The following TNK1 variants were observed in gnomAD, a reference collection of about 807,000 sequenced individuals.
TNK1 encodes non-receptor tyrosine-protein kinase TNK1.
Under a neutral mutation model 65.2 loss-of-function variants are expected in TNK1, and 53 were observed. The observed-to-expected ratio is 0.81, with a 90% CI of 0.65 to 1.02. The LOEUF (loss-of-function observed/expected upper bound fraction) is 1.02. TNK1 is among the 50% of genes least tolerant of loss of function. TNK1 has a pLI of 0.00. For missense variants in TNK1, 837 were observed against 878.4 expected, an observed-to-expected ratio of 0.95 and a Z score of 0.60; for synonymous variants, 353 against 364.6, an observed-to-expected ratio of 0.97 and a Z score of 0.36.
At chr17:7,384,802 T>G in intron 7 of TNK1, 48 bp downstream of exon 7, 1 of 1,536,028 alleles carries the variant, frequency 6.5e-7, no homozygotes, top group Non-Finnish European at 8.7e-7. Context: ...TTCCCTCCAT[T>G]CGCTCTCCCA....
rs764324329 is a variant in TNK1 at position 7,383,021 on chromosome 17, T to G, written c.95T>G (p.Val32Gly). The G allele has an allele frequency of 3.7e-6, 6 of 1,614,044 alleles. No homozygotes were observed. ...FYWPILEELN[V>G]TRPEHFDFVK... ...TGGCCCATCCTTGAGGAGCTTAATG[T>G]CACTCGGCCAGAGCACTTCGACTTT... Residue 32 changes from valine to glycine, a missense_variant, in exon 2 of 13, where the codon GTC (valine) becomes GGC (glycine). By Grantham distance (109) the Val-to-Gly change is moderately radical. Coordinates refer to ENST00000688331, the MANE Select transcript of TNK1 (RefSeq NM_003985.6).
rs1597688116 is a variant in TNK1, at chr17:7,389,177, C to T, written c.*93C>T. On this transcript the variant is annotated 3_prime_UTR_variant, in exon 13 of 13. Coordinates refer to ENST00000688331, the MANE Select transcript of TNK1 (RefSeq NM_003985.6). ...ACCAAGCGGAACCAGAACAAGGTCCCGACAGGGGTAGACGTTCCACCTGGG... is the reference window on the plus strand; with the variant it reads ...ACCAAGCGGAACCAGAACAAGGTCCTGACAGGGGTAGACGTTCCACCTGGG... The T allele has an allele frequency of 1.3e-5, 14 of 1,039,294 alleles. No individual in the cohort carries two copies. Among genetic ancestry groups the T allele is most frequent in the Middle Eastern group, 3.0e-4 (1 of 3,338 alleles). 64.4% of individuals were successfully genotyped at this position (1,039,294 alleles called of 1,614,324 possible). A position where few individuals can be genotyped will look rare whatever the true frequency, so the allele number is the denominator to read the frequency against.
Position 7,383,428 on chromosome 17 carries a change from C to CT in TNK1, c.240dup (p.Gly81TrpfsTer6). 6.2e-7 allele frequency: 1 copy of CT among 1,613,964 alleles called. No homozygotes were observed. The highest frequency in any genetic ancestry group is 8.5e-7 in the Non-Finnish European group (1 of 1,179,878). ...GGATTTCCCATCCCTGTTTCAGATC[C>CT]TTGGAGGTTTTGCCCCTGAGCACAA... On this transcript the variant is annotated frameshift_variant, in exon 4 of 13. Transcript: ENST00000688331. LOFTEE classifies it high-confidence loss of function.
rs780277649 is a variant in TNK1 at position 7,384,583 on chromosome 17, ACCCTGGGCCGGGGT to A, written c.970_983del (p.Trp324ThrfsTer16). On this transcript the variant is annotated frameshift_variant, in exon 7 of 13. Coordinates refer to ENST00000688331, the MANE Select transcript of TNK1 (RefSeq NM_003985.6). LOFTEE classifies it high-confidence loss of function. ...GGGAGATGTTCTCCGGGGGCGAGGA[ACCCTGGGCCGGGGT>A]CCCACCGTACCTCATCCTGCAGCGG... 6 of 1,612,146 alleles carry A rather than the reference ACCCTGGGCCGGGGT, an allele frequency of 3.7e-6. No homozygotes were observed. The highest frequency in any genetic ancestry group is 5.1e-6 in the Non-Finnish European group (6 of 1,179,258).
chr17:7,384,717 G>A lies in TNK1; in HGVS notation c.1100G>A (p.Arg367Gln). The A allele has an allele frequency of 1.9e-6, 3 of 1,586,642 alleles. No individual in the cohort carries two copies. The highest frequency in any genetic ancestry group is 1.7e-4 in the Middle Eastern group (1 of 6,042). Residue 367 changes from arginine (R) to glutamine (Q), a missense_variant, in exon 7 of 13, where the codon CGG becomes CAG. Coordinates refer to ENST00000688331, the MANE Select transcript of TNK1 (RefSeq NM_003985.6). ...TGCTGGGCCCCCCACCCTGCCGACC[G>A]GCCTAGCTTTTCCCACCTGGAGGGG... ...LRCWAPHPAD[R>Q]PSFSHLEGLL...
rs747548945 is a variant in TNK1 at position 7,382,362 on chromosome 17, G to T, written c.-91-474G>T. On this transcript the variant is annotated intron_variant, in intron 1 of 12. Coordinates refer to ENST00000688331, the MANE Select transcript of TNK1 (RefSeq NM_003985.6). The surrounding 1 kb of genome is among the most constrained non-coding windows in gnomAD (Gnocchi z 4.1). ...TGTGTGTGTGTGGCAGCATGTGGGA[G>T]GCAGTGTACCTTCGTGTGTGTGCGT... Among the ~76,000 whole-genome samples the T allele has an allele frequency of 6.6e-6, 1 of 152,132 alleles. No homozygotes were observed. The highest frequency in any genetic ancestry group is 2.4e-5 in the African/African-American group (1 of 41,412).
At chr17:7,387,569 T>G in intron 10 of TNK1, 112 bp downstream of exon 10, 1 of 891,886 alleles carries the variant, frequency 1.1e-6, no homozygotes. Context: ...CTCTGAATTC[T>G]GTCTGCTGGC....
At chr17:7,386,832 C>A in intron 8 of TNK1, 158 bp from the exon 9 acceptor site, 1 of 1,169,382 alleles carries the variant, frequency 8.6e-7, no homozygotes, top group Non-Finnish European at 1.2e-6. Context: ...GGAGCCACTG[C>A]TGGCCCATAG....
intron 10 of TNK1, among the ~76,000 whole-genome samples, chr17:7,387,900 G>A (rs528563051): frequency 1.8e-4 from 27 of 152,104 alleles, no homozygotes; most frequent in African/African-American, 4.8e-5. Flanking sequence ...CACTGCGTCC[G>A]GCCCTATACT....
chr17:7,386,932 G>A, intron 8 of TNK1, 58 bp from the exon 9 acceptor site: 2 of 1,486,644 alleles, frequency 1.3e-6, no homozygotes, highest in Admixed American at 2.3e-5. Context: ...GTGGGCCAGG[G>A]CCCAGCCCTA....
At position 7,387,064 on chromosome 17, in the gene TNK1, C is replaced by T. The variant is rs199995562; in HGVS notation, c.1307C>T (p.Thr436Met). 3.0e-4 allele frequency: 486 copies of T among 1,612,482 alleles called. No homozygotes were observed. Among genetic ancestry groups the T allele is most frequent in the Non-Finnish European group, 3.7e-4 (441 of 1,179,382 alleles). Residue 436 changes from threonine to methionine, a missense_variant, in exon 9 of 13, where the codon ACG becomes ATG. Physicochemically the swap from Thr to Met is moderately conservative, Grantham distance 81 (BLOSUM62 -1). Coordinates refer to ENST00000688331, the MANE Select transcript of TNK1 (RefSeq NM_003985.6). ...GGCAGCTTCCCAGCCTCGGCAGTGA[C>T]GCTGGCAGATGCGGGGGGCTTGCCA... ...KVGSFPASAV[T>M]LADAGGLPAT...
In TNK1 at chr17:7,382,334, CAG is replaced by C. The variant is rs1340892299; in HGVS notation, c.-91-501_-91-500del. On this transcript the variant is annotated intron_variant, in intron 1 of 12. Coordinates refer to ENST00000688331, the MANE Select transcript of TNK1 (RefSeq NM_003985.6). The surrounding 1 kb of genome is among the most constrained non-coding windows in gnomAD (Gnocchi z 4.1). ...TGTTTTGCAGTATATCTGTAGGTCTCAGTGTGTGTGTGTGGCAGCATGTGGGA... is the reference window on the plus strand; with the variant it reads ...TGTTTTGCAGTATATCTGTAGGTCTCTGTGTGTGTGTGGCAGCATGTGGGA... 1.3e-5 allele frequency among the ~76,000 whole-genome samples: 2 copies of C among 151,228 alleles called. No homozygotes were observed. Among genetic ancestry groups the C allele is most frequent in the Admixed American group, 6.6e-5 (1 of 15,208 alleles).
At chr17:7,386,917 T>C (rs758683950) in intron 8 of TNK1, 73 bp from the exon 9 acceptor site, 315 of 1,467,360 alleles carry the variant, frequency 2.1e-4, no homozygotes, top group Middle Eastern at 1.6e-3. Context: ...CCTAGTGAGC[T>C]GACTGTGGGC....
chr17:7,384,189 C>A lies in TNK1; in HGVS notation c.802C>A (p.Arg268=), dbSNP rs202168935. ...CAAGGTGGCTGACTTCGGGCTGGTG[C>A]GGCCTCTGGGCGGTGCCCGGGGCCG... ...TIKVADFGLV[R]PLGGARGRYV... is the part of the protein sequence containing the mutation. Residue 268 remains arginine, a synonymous_variant, in exon 6 of 13, where the codon CGG becomes AGG. Transcript: ENST00000688331. 614 of 1,531,714 alleles carry A rather than the reference C, an allele frequency of 4.0e-4. 2 individuals are homozygous for A. The highest frequency in any genetic ancestry group is 2.7e-3 in the African/African-American group (199 of 72,626). 94.9% of individuals were successfully genotyped at this position (1,531,714 alleles called of 1,614,324 possible).
chr17:7,383,937 C>G, intron 5 of TNK1, 33 bp from the exon 6 acceptor site: 2 of 1,534,902 alleles, frequency 1.3e-6, no homozygotes, highest in South Asian at 2.4e-5. Flanking sequence ...TCCAATGGGT[C>G]CGGCTCACGC....
intron 7 of TNK1, among the ~76,000 whole-genome samples, chr17:7,385,564 T>C (rs1905134354): frequency 8.9e-6 from 1 of 112,620 alleles, no homozygotes; most frequent in Non-Finnish European, 1.8e-5. Flanking sequence ...GAGGTAATTA[T>C]TATTAGTAGT....
chr17:7,383,204 T>C, intron 2 of TNK1, 46 bp from the exon 3 acceptor site: 1 of 1,613,432 alleles, frequency 6.2e-7, no homozygotes, highest in African/African-American at 1.3e-5. Context: ...TCCGCACTCT[T>C]CCCCACACCC....
At chr17:7,380,743 A>G (rs1904762842), upstream of TNK1, 2 of 152,472 alleles carry the variant, frequency 1.3e-5, no homozygotes, top group African/African-American at 4.8e-5. Flanking sequence ...TTATTCATGT[A>G]AGAGGTAGGG....
Position 7,384,267 on chromosome 17 carries a change from C to T in TNK1, c.866+14C>T. ...CCCCTACGCCTGGTGAGAGCGGGTC[C>T]GCGGGCGGTCGGGCTCTGAGCCGGG... On this transcript the variant is annotated intron_variant, in intron 6 of 12. Coordinates refer to ENST00000688331, the MANE Select transcript of TNK1 (RefSeq NM_003985.6). 1 of 1,445,188 alleles carries T rather than the reference C, an allele frequency of 6.9e-7. No homozygotes were observed. The highest frequency in any genetic ancestry group is 9.0e-7 in the Non-Finnish European group (1 of 1,106,486). The allele number at this position is 1,445,188 out of a possible 1,614,324, so 89.5% of individuals were successfully genotyped here. A position where few individuals can be genotyped will look rare whatever the true frequency, so the allele number is the denominator to read the frequency against.
Sources: gnomAD v4.1 joint callset for allele counts (sites outside exome capture counted in the v4.1 genomes callset) on GRCh38, gnomAD v4.1.1 for gene constraint, Gnocchi (gnomAD v3.1) non-coding constraint, MANE v1.5 for transcripts, NCBI Gene and HGNC (gene_info 2026-07-23, HGNC 2026-07-21) for gene names.